Variants in FAM184B observed in about 807,000 individuals in gnomAD.
The protein encoded by FAM184B is family with sequence similarity 184 member B.
A neutral mutation model predicts 135.9 loss-of-function variants in FAM184B; 111 were observed. That is an observed-to-expected ratio of 0.82 (90% CI 0.70 to 0.96). FAM184B has a LOEUF of 0.96. FAM184B is among the 40% of genes least tolerant of loss of function. FAM184B has a pLI of 0.00. For synonymous variants in FAM184B, 552 were observed against 524.8 expected (o/e 1.05, Z -0.71); for missense variants, 1,375 against 1,323.9 (o/e 1.04, Z -0.60).
At chr4:17,690,936 T>G (rs1457737260) in intron 6 of FAM184B, among the ~76,000 whole-genome samples, 1 of 152,130 alleles carries the variant, frequency 6.6e-6, no homozygotes, top group East Asian at 1.9e-4. Context: ...GGATGACACT[T>G]TCATTTCTAG....
chr4:17,706,001 TC>T, intron 3 of FAM184B, 110 bp from the exon 4 acceptor site: 1 of 1,406,672 alleles, frequency 7.1e-7, no homozygotes, highest in Non-Finnish European at 9.6e-7. Context: ...TTGTCCAACA[TC>T]CCCTGTGTAA....
intron 12 of FAM184B, among the ~76,000 whole-genome samples, chr4:17,644,658 T>C (rs1332277794): frequency 6.6e-6 from 1 of 152,184 alleles, no homozygotes; most frequent in Admixed American, 6.5e-5. Context: ...ACTGGAAGCA[T>C]TCCCTTTGAA....
At chr4:17,737,088 G>A (rs1054694218) in intron 1 of FAM184B, among the ~76,000 whole-genome samples, 5 of 151,932 alleles carry the variant, frequency 3.3e-5, no homozygotes, top group African/African-American at 1.2e-4. Context: ...AGGTTACAGT[G>A]AGCTGAGATC....
chr4:17,655,100 C>G (rs1487131440), intron 10 of FAM184B, among the ~76,000 whole-genome samples: 1 of 152,218 alleles, frequency 6.6e-6, no homozygotes, highest in Non-Finnish European at 1.5e-5. Context: ...CCCGCATTGG[C>G]CTCCCAAAGT....
intron 5 of FAM184B, among the ~76,000 whole-genome samples, chr4:17,701,057 G>A (rs1716972044): frequency 6.6e-6 from 1 of 152,198 alleles, no homozygotes; most frequent in African/African-American, 2.4e-5. Context: ...AGATTTGACA[G>A]TGAGACTGCT....
chr4:17,660,121 T>C (rs1407325531), intron 8 of FAM184B, 34 bp from the exon 9 acceptor site: 1 of 1,549,568 alleles, frequency 6.5e-7, no homozygotes, highest in Non-Finnish European at 8.7e-7. Flanking sequence ...TCACAAAAGA[T>C]CCTAGGGCTA....
At chr4:17,744,544 G>A (rs1361763947) in intron 1 of FAM184B, among the ~76,000 whole-genome samples, 1 of 149,784 alleles carries the variant, frequency 6.7e-6, no homozygotes, top group African/African-American at 2.5e-5. Context: ...CATCTCTGCT[G>A]GTCTTCATTC....
intron 7 of FAM184B, among the ~76,000 whole-genome samples, chr4:17,684,846 T>C (rs1716540504): frequency 6.6e-6 from 1 of 152,160 alleles, no homozygotes; most frequent in African/African-American, 2.4e-5. Context: ...TACACCACCA[T>C]GGAATACTAT....
At chr4:17,696,830 GAATA>G (rs60876270) in intron 5 of FAM184B, among the ~76,000 whole-genome samples, 1,534 of 151,768 alleles carry the variant, frequency 0.01, 22 homozygotes, top group African/African-American at 0.03. Flanking sequence ...ATGAATGAAT[GAATA>G]AATAAATAAA....
At chr4:17,696,353 A>G (rs1367952714) in intron 5 of FAM184B, among the ~76,000 whole-genome samples, 1 of 152,212 alleles carries the variant, frequency 6.6e-6, no homozygotes, top group Non-Finnish European at 1.5e-5. Flanking sequence ...GTTGTCATGT[A>G]TCGGACAACA....
intron 1 of FAM184B, among the ~76,000 whole-genome samples, chr4:17,743,864 G>A (rs1718098568): frequency 6.6e-6 from 1 of 152,180 alleles, no homozygotes; most frequent in Non-Finnish European, 1.5e-5. Flanking sequence ...AGCAGTCTAG[G>A]TATGGCAGGG....
intron 7 of FAM184B, among the ~76,000 whole-genome samples, chr4:17,673,300 T>G (rs1716221910): frequency 6.6e-6 from 1 of 152,140 alleles, no homozygotes; most frequent in African/African-American, 2.4e-5. Flanking sequence ...CAGGGAACAC[T>G]TCTACCCTGC....
intron 1 of FAM184B, among the ~76,000 whole-genome samples, chr4:17,725,906 C>T (rs149505051): frequency 6.6e-5 from 10 of 152,044 alleles, no homozygotes; most frequent in South Asian, 2.1e-4. Context: ...CATATATGTA[C>T]GGATTTACTA....
intron 15 of FAM184B, among the ~76,000 whole-genome samples, chr4:17,635,453 CCT>C (rs754876047): frequency 1.4e-4 from 21 of 152,250 alleles, no homozygotes; most frequent in African/African-American, 3.1e-4. Flanking sequence ...CGCCTTTCTT[CCT>C]CTGTCTTGTT....
chr4:17,781,523 T>C lies in FAM184B; in HGVS notation c.-224A>G, dbSNP rs1719035147. 2.0e-6 allele frequency: 1 copy of C among 497,852 alleles called. No individual in the cohort carries two copies. The highest frequency in any genetic ancestry group is 2.0e-5 in the African/African-American group (1 of 49,098). The allele number at this position is 497,852 out of a possible 1,614,324, so 30.8% of individuals were successfully genotyped here. A position where few individuals can be genotyped will look rare whatever the true frequency, so the allele number is the denominator to read the frequency against. On this transcript the variant is annotated 5_prime_UTR_variant, in exon 1 of 18. Transcript: ENST00000265018. The surrounding 1 kb of genome is among the most constrained non-coding windows in gnomAD (Gnocchi z 6.5). ...CTCTCCTGCTGGTTCTCTGGCTGGC[T>C]GGCTCCGCGGGCACCCGCACCCTGC... is the stretch of plus-strand genomic sequence containing the variant.
At chr4:17,688,621 C>A in intron 6 of FAM184B, 90 bp from the exon 7 acceptor site, 2 of 906,438 alleles carry the variant, frequency 2.2e-6, no homozygotes, top group Non-Finnish European at 3.3e-6. Flanking sequence ...TCTCCTGGGT[C>A]AGTCTGTTCT....
chr4:17,652,360 G>A (rs1715645127), intron 11 of FAM184B, among the ~76,000 whole-genome samples: 4 of 152,034 alleles, frequency 2.6e-5, no homozygotes. Flanking sequence ...TCCTGACCTT[G>A]TGATCCACCC....
chr4:17,754,905 GCT>G (rs1718385672), intron 1 of FAM184B, among the ~76,000 whole-genome samples: 1 of 151,854 alleles, frequency 6.6e-6, no homozygotes, highest in South Asian at 2.1e-4. Context: ...ATAGGGTCTG[GCT>G]CTGTCACCCA....
intron 14 of FAM184B, 141 bp from the exon 15 acceptor site, chr4:17,636,786 G>A: frequency 3.0e-6 from 2 of 668,990 alleles, no homozygotes; most frequent in Non-Finnish European, 4.9e-6. Context: ...CTTGCCCAGG[G>A]CCCCCTGGGG....
Sources: allele counts gnomAD v4.1 joint callset (sites outside exome capture counted in the v4.1 genomes callset), GRCh38; gene constraint gnomAD v4.1.1; non-coding constraint Gnocchi (gnomAD v3.1); transcripts MANE v1.5; gene names NCBI Gene and HGNC (gene_info 2026-07-23, HGNC 2026-07-21).